Variants in MPHOSPH6 observed in about 807,000 individuals in gnomAD.
The protein encoded by MPHOSPH6 is M-phase phosphoprotein 6.
MPHOSPH6 carries 25 observed loss-of-function variants against 21.8 expected under a neutral mutation model. That is an observed-to-expected ratio of 1.15 (90% CI 0.83 to 1.60). The LOEUF (loss-of-function observed/expected upper bound fraction) is 1.60, where lower values mean the gene tolerates loss of function less well. MPHOSPH6 is among the 40% of genes most tolerant of loss of function. The pLI, the probability that MPHOSPH6 is intolerant of heterozygous loss-of-function variation, is 0.00. For missense variants in MPHOSPH6, 269 were observed against 181.8 expected, an observed-to-expected ratio of 1.48 and a Z score of -2.76; for synonymous variants, 84 against 56.5, an observed-to-expected ratio of 1.49 and a Z score of -2.18.
intron 4 of MPHOSPH6, 40 bp downstream of exon 4, chr16:82,149,269 G>T (rs1906185685): frequency 4.4e-6 from 7 of 1,591,158 alleles, no homozygotes; most frequent in Non-Finnish European, 5.2e-6. Flanking sequence ...GCCAATGAAT[G>T]CTAGGTCCAG....
At chr16:82,151,395 T>A in intron 3 of MPHOSPH6, 29 bp downstream of exon 3, 1 of 1,599,666 alleles carries the variant, frequency 6.3e-7, no homozygotes, top group Non-Finnish European at 8.5e-7. Flanking sequence ...TTGGAAAAAT[T>A]TTTAATTTGA....
At chr16:82,164,296 A>G (rs923024795) in intron 1 of MPHOSPH6, 102 bp from the exon 2 acceptor site, 2 of 737,902 alleles carry the variant, frequency 2.7e-6, no homozygotes, top group Admixed American at 2.6e-5. Context: ...TCATTTATCT[A>G]TGGAACCCAT....
intron 2 of MPHOSPH6, among the ~76,000 whole-genome samples, chr16:82,154,006 T>A (rs1906350932): frequency 6.6e-6 from 1 of 152,114 alleles, no homozygotes; most frequent in Admixed American, 6.5e-5. Context: ...CATCTAAAGA[T>A]CTGTAATTTA....
chr16:82,157,440 C>T (rs12103135), intron 2 of MPHOSPH6, among the ~76,000 whole-genome samples: 1 of 152,190 alleles, frequency 6.6e-6, no homozygotes, highest in African/African-American at 2.4e-5. Flanking sequence ...CAAAATTAAT[C>T]TACGGTTTAA....
In MPHOSPH6 at chr16:82,168,245, T is replaced by A. The variant is rs142508432; in HGVS notation, c.51+1880A>T. Among the ~76,000 whole-genome samples, 19 of 152,302 alleles carry A rather than the reference T, an allele frequency of 1.2e-4. No individual in the cohort carries two copies. In the East Asian group the frequency reaches 3.7e-3, roughly 29 times the overall value. On this transcript the variant is annotated intron_variant, in intron 1 of 4. Transcript: ENST00000258169. Reference sequence around the variant, plus strand: ...AAAACAACTGCTAAAATCTTTCCAATATCTGCTTGGCCAATTCACTCCACT... The same window carrying A: ...AAAACAACTGCTAAAATCTTTCCAAAATCTGCTTGGCCAATTCACTCCACT...
At position 82,170,115 on chromosome 16, in the gene MPHOSPH6, G is replaced by A. The variant is rs754715775; in HGVS notation, c.51+10C>T. On this transcript the variant is annotated intron_variant, in intron 1 of 4. Coordinates refer to ENST00000258169, the MANE Select transcript of MPHOSPH6 (RefSeq NM_005792.2). ...TACCGCCCGGAGTGGCGCTCTCAGC[G>A]TCCCCGCACCTTCATGCGCAGTAGA... The A allele has an allele frequency of 1.3e-6, 2 of 1,589,236 alleles. No homozygotes were observed. Among genetic ancestry groups the A allele is most frequent in the Non-Finnish European group, 8.6e-7 (1 of 1,168,166 alleles).
chr16:82,168,229 G>A (rs1361326749), intron 1 of MPHOSPH6, among the ~76,000 whole-genome samples: 3 of 152,130 alleles, frequency 2.0e-5, no homozygotes, highest in Non-Finnish European at 4.4e-5. Context: ...TAAAACAACT[G>A]CTAAAATCTT....
At chr16:82,164,227 T>G in intron 1 of MPHOSPH6, 33 bp from the exon 2 acceptor site, 1 of 1,451,258 alleles carries the variant, frequency 6.9e-7, no homozygotes, top group Non-Finnish European at 9.5e-7. Flanking sequence ...TGTCAGAAAC[T>G]TTTCCCATTT....
At chr16:82,159,325 T>C (rs1906532277) in intron 2 of MPHOSPH6, among the ~76,000 whole-genome samples, 1 of 152,230 alleles carries the variant, frequency 6.6e-6, no homozygotes, top group South Asian at 2.1e-4. Context: ...AATGAATTTG[T>C]TATTTAAATA....
intron 3 of MPHOSPH6, 77 bp downstream of exon 3, chr16:82,151,347 A>G (rs753363189): frequency 1.6e-4 from 249 of 1,573,076 alleles, no homozygotes; most frequent in Non-Finnish European, 2.0e-4. Flanking sequence ...CCTGGTGGAG[A>G]AACACCTAAG....
At chr16:82,151,116 T>G (rs1906250673) in intron 3 of MPHOSPH6, 1 of 191,164 alleles carries the variant, frequency 5.2e-6, no homozygotes, top group Admixed American at 5.9e-5. Context: ...GAAAATAACT[T>G]TTCATAATAG....
rs954022141 is a variant in MPHOSPH6, at chr16:82,158,167, C to T, written c.164+5915G>A. Among the ~76,000 whole-genome samples, 4 of 151,906 alleles carry T rather than the reference C, an allele frequency of 2.6e-5. No individual in the cohort carries two copies. The South Asian group carries it at 6.2e-4, about 24-fold the overall frequency. ...GCCCTCAATTACTTTAAAAAATATTCGGTATACGAAATTGAAACTCTATAT... is the reference window on the plus strand; with the variant it reads ...GCCCTCAATTACTTTAAAAAATATTTGGTATACGAAATTGAAACTCTATAT... On this transcript the variant is annotated intron_variant, in intron 2 of 4. Coordinates refer to ENST00000258169, the MANE Select transcript of MPHOSPH6 (RefSeq NM_005792.2).
chr16:82,163,411 A>G (rs545792997), intron 2 of MPHOSPH6, among the ~76,000 whole-genome samples: 1 of 152,348 alleles, frequency 6.6e-6, no homozygotes, highest in East Asian at 1.9e-4. Context: ...ATCAGGCACC[A>G]GCCAAGCTTA....
At chr16:82,165,408 G>A (rs900661368) in intron 1 of MPHOSPH6, among the ~76,000 whole-genome samples, 2 of 151,996 alleles carry the variant, frequency 1.3e-5, no homozygotes, top group African/African-American at 2.4e-5. Context: ...ACAGGTGTGA[G>A]CCGCTGCGCC....
At chr16:82,152,952 C>T (rs975612932) in intron 2 of MPHOSPH6, among the ~76,000 whole-genome samples, 4 of 152,158 alleles carry the variant, frequency 2.6e-5, no homozygotes, top group Non-Finnish European at 4.4e-5. Context: ...AATCAAACTG[C>T]GGAAACAGCC....
Position 82,153,679 on chromosome 16 carries a change from G to A in MPHOSPH6, c.165-2165C>T, listed in dbSNP as rs995315365. Among the ~76,000 whole-genome samples the A allele has an allele frequency of 2.6e-5, 4 of 152,204 alleles. No homozygotes were observed. In the East Asian group the frequency reaches 7.7e-4, roughly 29 times the overall value. On this transcript the variant is annotated intron_variant, in intron 2 of 4. Coordinates refer to ENST00000258169, the MANE Select transcript of MPHOSPH6 (RefSeq NM_005792.2). Reference sequence around the variant, plus strand: ...CCTTGAATCTTTGGCTGACCATGAAGCTGCACATGTGCAGGATGAGTCTTT... The same window carrying A: ...CCTTGAATCTTTGGCTGACCATGAAACTGCACATGTGCAGGATGAGTCTTT...
intron 2 of MPHOSPH6, chr16:82,162,159 TACTA>T (rs1208129785): frequency 6.6e-6 from 1 of 152,190 alleles, no homozygotes; most frequent in African/African-American, 2.4e-5. Context: ...ACTGGACAGG[TACTA>T]TCATCATACC....
rs142615856 is a variant in MPHOSPH6, at chr16:82,164,221, A to G, written c.52-27T>C. 2.9e-3 allele frequency: 4,375 copies of G among 1,495,172 alleles called. 118 individuals are homozygous for G. The highest frequency in any genetic ancestry group is 8.1e-4 in the Non-Finnish European group (885 of 1,089,938). 92.6% of individuals were successfully genotyped at this position (1,495,172 alleles called of 1,614,324 possible). On this transcript the variant is annotated intron_variant, in intron 1 of 4. Coordinates refer to ENST00000258169, the MANE Select transcript of MPHOSPH6 (RefSeq NM_005792.2). Reference sequence around the variant, plus strand: ...TGTGAAAACAAACAAAATCAATGTCAGAAACTTTTCCCATTTTAGAACTGA... The same window carrying G: ...TGTGAAAACAAACAAAATCAATGTCGGAAACTTTTCCCATTTTAGAACTGA...
At position 82,148,719 on chromosome 16, in the gene MPHOSPH6, A is replaced by C. The variant is rs1321095713; in HGVS notation, c.*12T>G. ...ACCAAGCACCCCTGGGCCATCGCTT[A>C]AGGCATCCATCTTAATCCTGGGGCT... is the stretch of plus-strand genomic sequence containing the variant. On this transcript the variant is annotated 3_prime_UTR_variant, in exon 5 of 5. Coordinates refer to ENST00000258169, the MANE Select transcript of MPHOSPH6 (RefSeq NM_005792.2). 2 of 1,613,818 alleles carry C rather than the reference A, an allele frequency of 1.2e-6. No homozygotes were observed. Among genetic ancestry groups the C allele is most frequent in the South Asian group, 2.2e-5 (2 of 91,064 alleles).
Sources: gnomAD v4.1 joint callset for allele counts (sites outside exome capture counted in the v4.1 genomes callset) on GRCh38, gnomAD v4.1.1 for gene constraint, MANE v1.5 for transcripts, NCBI Gene and HGNC (gene_info 2026-07-23, HGNC 2026-07-21) for gene names.